Variants in DIPK1C observed in about 807,000 individuals in gnomAD.
The protein encoded by DIPK1C is familial non-conventional Alzheimer's dementia.
DIPK1C carries 33 observed loss-of-function variants against 28.0 expected under a neutral mutation model. That is an observed-to-expected ratio of 1.18 (90% CI 0.89 to 1.58). The LOEUF (loss-of-function observed/expected upper bound fraction) is 1.58. DIPK1C is among the 40% of genes most tolerant of loss of function. The pLI, the probability that DIPK1C is intolerant of heterozygous loss-of-function variation, is 0.00. For synonymous variants in DIPK1C, 255 were observed against 248.8 expected (o/e 1.02, Z -0.23); for missense variants, 569 against 568.5 (o/e 1.00, Z -0.01).
At chr18:74,453,084 T>G (rs1986433881) in intron 1 of DIPK1C, among the ~76,000 whole-genome samples, 1 of 152,252 alleles carries the variant, frequency 6.6e-6, no homozygotes, top group Non-Finnish European at 1.5e-5. Context: ...TCTACATTGA[T>G]GCACATTCCC....
rs1293641199 is a variant in DIPK1C at position 74,457,096 on chromosome 18, G to A, written c.164C>T (p.Thr55Ile). 3.4e-6 allele frequency: 5 copies of A among 1,469,932 alleles called. No homozygotes were observed. Among genetic ancestry groups the A allele is most frequent in the Non-Finnish European group, 4.5e-6 (5 of 1,119,378 alleles). The allele number at this position is 1,469,932 out of a possible 1,614,324, so 91.1% of individuals were successfully genotyped here. ...AHPGVLSERCTDEKSRRILAA... is the reference protein window; with the variant it reads ...AHPGVLSERCIDEKSRRILAA... ...CAGGATGCGCCGGCTCTTCTCGTCGGTGCAGCGCTCGGAGAGGACACCCGG... is the reference window on the plus strand; with the variant it reads ...CAGGATGCGCCGGCTCTTCTCGTCGATGCAGCGCTCGGAGAGGACACCCGG... The change falls in exon 1 of 4, where the codon ACC becomes ATC. Residue 55 changes from threonine (T) to isoleucine (I), a missense_variant. Physicochemically the swap from Thr to Ile is moderately conservative, Grantham distance 89 (BLOSUM62 -1). Transcript: ENST00000343998.
intron 1 of DIPK1C, among the ~76,000 whole-genome samples, chr18:74,453,075 C>G (rs1032951389): frequency 2.0e-5 from 3 of 152,184 alleles, no homozygotes; most frequent in Admixed American, 6.5e-5. Flanking sequence ...GTGAAAATAT[C>G]TACATTGATG....
At chr18:74,437,113 G>A (rs1012476359) in intron 3 of DIPK1C, among the ~76,000 whole-genome samples, 18 of 152,178 alleles carry the variant, frequency 1.2e-4, no homozygotes, top group African/African-American at 4.3e-4. Context: ...GAGGGAGGCC[G>A]GCTTTGCTGT....
At chr18:74,453,559 A>T (rs1179792265) in intron 1 of DIPK1C, among the ~76,000 whole-genome samples, 1 of 152,246 alleles carries the variant, frequency 6.6e-6, no homozygotes, top group Non-Finnish European at 1.5e-5. Context: ...CCGAATCTCT[A>T]ATGTAGACAA....
intron 1 of DIPK1C, among the ~76,000 whole-genome samples, chr18:74,451,830 G>A (rs1397249106): frequency 2.6e-5 from 4 of 152,150 alleles, no homozygotes; most frequent in African/African-American, 9.7e-5. Context: ...CAGTCACCGC[G>A]CTTGTCCTAA....
chr18:74,436,825 C>A (rs1986008237), intron 3 of DIPK1C, 106 bp from the exon 4 acceptor site: 2 of 1,048,376 alleles, frequency 1.9e-6, no homozygotes, highest in Non-Finnish European at 2.7e-6. Flanking sequence ...TCTCCCACCC[C>A]CACCCCCGTC....
At chr18:74,442,337 T>C (rs1035621228) in intron 2 of DIPK1C, among the ~76,000 whole-genome samples, 1 of 151,258 alleles carries the variant, frequency 6.6e-6, no homozygotes, top group East Asian at 1.9e-4. Context: ...TTTCTTTTTT[T>C]TTTTTAATTG....
chr18:74,445,929 G>T lies in DIPK1C; in HGVS notation c.876+677C>A, dbSNP rs114995945. Among the ~76,000 whole-genome samples the T allele has an allele frequency of 3.0e-3, 463 of 152,314 alleles. 1 individual carries two copies. Among genetic ancestry groups the T allele is most frequent in the African/African-American group, 0.011 (446 of 41,570 alleles). ...CGCCTAGCTGGGTGAAGGGAGAGGG[G>T]TTTGTGTTACACGGAGACACTGAGG... On this transcript the variant is annotated intron_variant, in intron 2 of 3. Transcript: ENST00000343998.
intron 1 of DIPK1C, among the ~76,000 whole-genome samples, chr18:74,448,195 T>C (rs1454364092): frequency 1.3e-5 from 2 of 152,200 alleles, no homozygotes; most frequent in Non-Finnish European, 2.9e-5. Context: ...TCTTCTCTCT[T>C]TTGTTTTTCA....
Position 74,436,643 on chromosome 18 carries a change from A to C in DIPK1C, c.1118T>G (p.Leu373Arg). ...TTCCTGCACCGCCTCCTGTAACTGC[A>C]GCTGAAGCTGGAAAGAGACCGCAGA... Reference protein sequence around the residue: ...KSSAVSFQLQLQLQEAVQECA... With the variant: ...KSSAVSFQLQRQLQEAVQECA... The change falls in exon 4 of 4, where the codon CTG becomes CGG. Residue 373 changes from leucine to arginine, a missense_variant. Coordinates refer to ENST00000343998, the MANE Select transcript of DIPK1C (RefSeq NM_001044369.3). The C allele has an allele frequency of 6.2e-7, 1 of 1,614,010 alleles. No homozygotes were observed. Among genetic ancestry groups the C allele is most frequent in the South Asian group, 1.1e-5 (1 of 91,066 alleles).
rs1986273329 is a variant in DIPK1C at position 74,446,796 on chromosome 18, C to T, written c.686G>A (p.Ser229Asn). ...FYAVEFLAAG[S>N]PHHRALFPLD... ...GGGGAAGAGTGCCCTGTGGTGGGGG[C>T]TGCCCGCGGCCAGGAACTCCACCGC... The change falls in exon 2 of 4, where the codon AGC (serine) becomes AAC (asparagine). Residue 229 changes from serine to asparagine, a missense_variant. By Grantham distance (46) the Ser-to-Asn change is conservative (BLOSUM62 1). Transcript: ENST00000343998. 1.3e-6 allele frequency: 2 copies of T among 1,490,658 alleles called. No homozygotes were observed. The highest frequency in any genetic ancestry group is 1.4e-5 in the African/African-American group (1 of 71,090). 92.3% of individuals were successfully genotyped at this position (1,490,658 alleles called of 1,614,324 possible).
At position 74,436,294 on chromosome 18, in the gene DIPK1C, TTTACACAAGGCG is replaced by T; in HGVS notation, c.*195_*206del. On this transcript the variant is annotated 3_prime_UTR_variant, in exon 4 of 4. Coordinates refer to ENST00000343998, the MANE Select transcript of DIPK1C (RefSeq NM_001044369.3). ...GTCTGTACCTCCTCCCTCATCTCAT[TTTACACAAGGCG>T]ACAGGTCAGAGGCCAGGGTGGGACG... The T allele has an allele frequency of 1.7e-6, 1 of 574,100 alleles. No individual in the cohort carries two copies. Among genetic ancestry groups the T allele is most frequent in the Non-Finnish European group, 3.0e-6 (1 of 328,852 alleles). 35.6% of individuals were successfully genotyped at this position (574,100 alleles called of 1,614,324 possible).
chr18:74,451,927 T>C (rs1473912409), intron 1 of DIPK1C, among the ~76,000 whole-genome samples: 1 of 152,204 alleles, frequency 6.6e-6, no homozygotes, highest in Non-Finnish European at 1.5e-5. Context: ...ATGCGTTTCA[T>C]ACACCTAACG....
rs1986533913 is a variant in DIPK1C, at chr18:74,457,146, C to T, written c.114G>A (p.Ala38=). The T allele has an allele frequency of 1.2e-5, 17 of 1,409,852 alleles. No homozygotes were observed. The highest frequency in any genetic ancestry group is 1.6e-5 in the Non-Finnish European group (17 of 1,086,012). The allele number at this position is 1,409,852 out of a possible 1,614,324, so 87.3% of individuals were successfully genotyped here. ...GGTGCGCGCGGAGCAGCAGCGCGGC[C>T]GCCAGCACCCAGCCCGCGGTCCACG... The part of the protein sequence containing the change: ...FAAWTAGWVL[A]AALLLRAHPG... Residue 38 remains alanine (A), a synonymous_variant, in exon 1 of 4, where the codon GCG becomes GCA. Transcript: ENST00000343998.
rs771408240 is a variant in DIPK1C, at chr18:74,436,542, G to T, written c.1219C>A (p.Leu407Ile). ...SSVFWKLRQL[L>I]QATLRELQEA... ...TGCAGCTCCCTCAGTGTGGCTTGGA[G>T]GAGTTGGCGAAGCTTCCAGAACACG... The change falls in exon 4 of 4, where the codon CTC becomes ATC. Residue 407 changes from leucine (L) to isoleucine (I), a missense_variant. Coordinates refer to ENST00000343998, the MANE Select transcript of DIPK1C (RefSeq NM_001044369.3). 3 of 1,605,314 alleles carry T rather than the reference G, an allele frequency of 1.9e-6. No individual in the cohort carries two copies. The highest frequency in any genetic ancestry group is 2.2e-4 in the Middle Eastern group (1 of 4,530).
rs1455297323 is a variant in DIPK1C, at chr18:74,446,970, C to T, written c.512G>A (p.Trp171Ter). 1 of 1,512,666 alleles carries T rather than the reference C, an allele frequency of 6.6e-7. No homozygotes were observed. The highest frequency in any genetic ancestry group is 8.9e-7 in the Non-Finnish European group (1 of 1,125,120). 93.7% of individuals were successfully genotyped at this position (1,512,666 alleles called of 1,614,324 possible). A position where few individuals can be genotyped will look rare whatever the true frequency, so the allele number is the denominator to read the frequency against. ...GCGTGGGCCCCGCCTGCCCGGCCAC[C>T]ACGGCCCCAGGCTGCTGTTGGACAA... is the stretch of plus-strand genomic sequence containing the variant. Reference protein sequence around the residue: ...LELSNSSLGPWWPGRRGPRWR... With the variant: ...LELSNSSLGP Residue 171 changes from tryptophan to a stop codon, truncating the protein, a stop_gained, in exon 2 of 4, where the codon TGG becomes TAG. Transcript: ENST00000343998. LOFTEE classifies it high-confidence loss of function.
intron 1 of DIPK1C, among the ~76,000 whole-genome samples, chr18:74,454,745 C>A (rs1986468824): frequency 6.6e-6 from 1 of 152,186 alleles, no homozygotes; most frequent in Non-Finnish European, 1.5e-5. Flanking sequence ...CTCAGCCCAG[C>A]AGAGTTGGGA....
At chr18:74,455,751 A>G (rs1986497500) in intron 1 of DIPK1C, among the ~76,000 whole-genome samples, 1 of 151,084 alleles carries the variant, frequency 6.6e-6, no homozygotes, top group Admixed American at 6.6e-5. Flanking sequence ...AGAAAAAGAA[A>G]AAAAAAACCA....
At chr18:74,457,443 C>G (rs1986543806), upstream of DIPK1C, among the ~76,000 whole-genome samples, 3 of 151,900 alleles carry the variant, frequency 2.0e-5, no homozygotes, top group African/African-American at 4.8e-5. Context: ...AGCAGCAACA[C>G]CCCGCGCGCC....
Sources: allele counts gnomAD v4.1 joint callset (sites outside exome capture counted in the v4.1 genomes callset), GRCh38; gene constraint gnomAD v4.1.1; transcripts MANE v1.5; gene names NCBI Gene and HGNC (gene_info 2026-07-23, HGNC 2026-07-21).